Variants in CLHC1 observed in about 807,000 individuals in gnomAD.
CLHC1 encodes clathrin heavy chain linker domain containing 1.
CLHC1 carries 72 observed loss-of-function variants against 69.5 expected under a neutral mutation model. The observed-to-expected ratio is 1.04, with a 90% confidence interval of 0.86 to 1.26. The LOEUF is 1.26. Among genes scored for constraint, CLHC1 ranks in the 50% most tolerant of loss-of-function variants. The pLI, the probability that CLHC1 is intolerant of heterozygous loss-of-function variation, is 0.00. For synonymous variants in CLHC1, 223 were observed against 224.3 expected (o/e 0.99, Z 0.05); for missense variants, 790 against 679.3 (o/e 1.16, Z -1.81).
At position 55,175,968 on chromosome 2, in the gene CLHC1, A is replaced by G. The variant is rs1035037427; in HGVS notation, c.1583T>C (p.Met528Thr). ...KGGIDAVESL[M>T]INDSFCSIEK... ...TATGGAGCAAAAGGAATCATTTATCATAAGACTTTCTACTGCATCTGTGGG... is the reference window on the plus strand; with the variant it reads ...TATGGAGCAAAAGGAATCATTTATCGTAAGACTTTCTACTGCATCTGTGGG... Residue 528 changes from methionine (M) to threonine (T), a missense_variant, in exon 13 of 13, where the codon ATG becomes ACG. By Grantham distance (81) the Met-to-Thr change is moderately conservative. Coordinates refer to ENST00000401408, the MANE Select transcript of CLHC1 (RefSeq NM_152385.4). 2 of 1,613,766 alleles carry G rather than the reference A, an allele frequency of 1.2e-6. No individual in the cohort carries two copies. The highest frequency in any genetic ancestry group is 1.7e-6 in the Non-Finnish European group (2 of 1,179,706).
At chr2:55,218,753 A>G (rs926224344) in intron 3 of CLHC1, among the ~76,000 whole-genome samples, 2 of 152,238 alleles carry the variant, frequency 1.3e-5, no homozygotes, top group African/African-American at 4.8e-5. Context: ...AAATAAGTCA[A>G]AAAATAAAAA....
Position 55,222,401 on chromosome 2 carries a change from T to C in CLHC1, c.11A>G (p.His4Arg), listed in dbSNP as rs1674220584. The C allele has an allele frequency of 6.2e-7, 1 of 1,613,260 alleles. No individual in the cohort carries two copies. The highest frequency in any genetic ancestry group is 1.1e-5 in the South Asian group (1 of 90,996). Reference sequence around the variant, plus strand: ...GAGAACTGCATGTTTTCTTATTTGATGAACTGACATATTTGACAATCTGCA... The same window carrying C: ...GAGAACTGCATGTTTTCTTATTTGACGAACTGACATATTTGACAATCTGCA... The part of the protein sequence containing the change: MSV[H>R]QIRKHAVLPP... Residue 4 changes from histidine (H) to arginine (R), a missense_variant, in exon 3 of 13, where the codon CAT (histidine) becomes CGT (arginine). His to Arg is a conservative substitution (Grantham distance 29, BLOSUM62 0). Transcript: ENST00000401408.
upstream of CLHC1, chr2:55,232,540 G>A (rs1019728094): frequency 7.4e-6 from 4 of 538,092 alleles, no homozygotes; most frequent in Admixed American, 3.1e-5. Context: ...GCCCAGGCTA[G>A]GGAGAGGAGA....
intron 8 of CLHC1, 60 bp from the exon 9 acceptor site, chr2:55,206,436 A>G: frequency 1.1e-6 from 1 of 945,818 alleles, no homozygotes; most frequent in South Asian, 1.3e-5. Context: ...GAAAAAACTG[A>G]TTAGAAATGT....
chr2:55,221,143 T>C (rs750447111), intron 3 of CLHC1, among the ~76,000 whole-genome samples: 2 of 152,118 alleles, frequency 1.3e-5, no homozygotes, highest in Non-Finnish European at 2.9e-5. Flanking sequence ...AAAGACTGAG[T>C]TTCTATTTTG....
Position 55,222,329 on chromosome 2 carries a change from T to C in CLHC1, c.83A>G (p.Gln28Arg), listed in dbSNP as rs1430586222. The change falls in exon 3 of 13, where the codon CAA (glutamine) becomes CGA (arginine). Residue 28 changes from glutamine to arginine, a missense_variant. Coordinates refer to ENST00000401408, the MANE Select transcript of CLHC1 (RefSeq NM_152385.4). ...TTCAGTTTCTGTAATTATGTATCTTTGCACACTTTCCAAAAATTCCTTGTC... is the reference window on the plus strand; with the variant it reads ...TTCAGTTTCTGTAATTATGTATCTTCGCACACTTTCCAAAAATTCCTTGTC... ...RSDKEFLESV[Q>R]RYIITETERL... The C allele has an allele frequency of 1.2e-6, 2 of 1,613,662 alleles. No individual in the cohort carries two copies. Among genetic ancestry groups the C allele is most frequent in the African/African-American group, 1.3e-5 (1 of 74,930 alleles).
At chr2:55,205,110 G>T (rs754737535) in intron 9 of CLHC1, among the ~76,000 whole-genome samples, 2 of 151,938 alleles carry the variant, frequency 1.3e-5, no homozygotes, top group Non-Finnish European at 2.9e-5. Flanking sequence ...AAAGTCAAAA[G>T]GCAACAGATG....
At position 55,175,759 on chromosome 2, in the gene CLHC1, A is replaced by T; in HGVS notation, c.*31T>A. On this transcript the variant is annotated 3_prime_UTR_variant, in exon 13 of 13. Transcript: ENST00000401408. ...CCAACCAGCATACATAAGGTGTTGTACAAGCTCCCTCAGCTGGTTAAGATA... is the reference window on the plus strand; with the variant it reads ...CCAACCAGCATACATAAGGTGTTGTTCAAGCTCCCTCAGCTGGTTAAGATA... The T allele has an allele frequency of 6.4e-7, 1 of 1,562,420 alleles. No individual in the cohort carries two copies. Among genetic ancestry groups the T allele is most frequent in the Admixed American group, 1.7e-5 (1 of 58,656 alleles).
Position 55,212,777 on chromosome 2 carries a change from T to A in CLHC1, c.395A>T (p.Lys132Met), listed in dbSNP as rs776132761. 3 of 1,602,966 alleles carry A rather than the reference T, an allele frequency of 1.9e-6. No homozygotes were observed. The highest frequency in any genetic ancestry group is 2.2e-5 in the South Asian group (2 of 90,882). The change falls in exon 5 of 13, where the codon AAG (lysine) becomes ATG (methionine). Residue 132 changes from lysine (K) to methionine (M), a missense_variant. Physicochemically the swap from Lys to Met is moderately conservative, Grantham distance 95. Transcript: ENST00000401408. ...GATGTGATCTATTTGAGATTGAATC[T>A]TCGAGGAATTACTTTCGATAATCCT... Reference protein sequence around the residue: ...KMRIIESNSSKIQSQIDHIKQ... With the variant: ...KMRIIESNSSMIQSQIDHIKQ...
intron 3 of CLHC1, among the ~76,000 whole-genome samples, chr2:55,221,821 T>G (rs552741425): frequency 1.7e-4 from 26 of 152,024 alleles, no homozygotes; most frequent in African/African-American, 5.1e-4. Context: ...ACAAAAAATT[T>G]TAAAAATTAG....
chr2:55,205,962 C>T (rs895862681), intron 9 of CLHC1, among the ~76,000 whole-genome samples: 5 of 151,532 alleles, frequency 3.3e-5, no homozygotes, highest in Non-Finnish European at 7.4e-5. Flanking sequence ...GTCAATTTAC[C>T]ACAAGGAAGC....
rs1353240768 is a variant in CLHC1 at position 55,173,418 on chromosome 2, T to C, written c.*2372A>G. ...TGTTGTTGATGCTGATGTTGAATTG[T>C]AGTATTTGAAATTTAGGCTGAAGGT... On this transcript the variant is annotated 3_prime_UTR_variant, in exon 13 of 13. Coordinates refer to ENST00000401408, the MANE Select transcript of CLHC1 (RefSeq NM_152385.4). Among the ~76,000 whole-genome samples the C allele has an allele frequency of 6.6e-6, 1 of 152,262 alleles. No homozygotes were observed. The highest frequency in any genetic ancestry group is 1.5e-5 in the Non-Finnish European group (1 of 68,044).
intron 9 of CLHC1, among the ~76,000 whole-genome samples, chr2:55,196,607 G>C (rs1348650442): frequency 6.6e-6 from 1 of 152,300 alleles, no homozygotes; most frequent in Non-Finnish European, 1.5e-5. Context: ...GGAAGCCACT[G>C]TCTTGAAAGG....
In CLHC1 at chr2:55,209,875, G is replaced by C. The variant is rs1343615897; in HGVS notation, c.500-44C>G. 8 of 1,290,756 alleles carry C rather than the reference G, an allele frequency of 6.2e-6. No individual in the cohort carries two copies. The South Asian group carries it at 8.6e-5, about 14-fold the overall frequency. The allele number at this position is 1,290,756 out of a possible 1,614,324, so 80.0% of individuals were successfully genotyped here. ...AATCAAACACGACAAGCCATGTGTG[G>C]GACGCTTGTGCTCAAAGAGCAAGTC... On this transcript the variant is annotated intron_variant, in intron 5 of 12. Coordinates refer to ENST00000401408, the MANE Select transcript of CLHC1 (RefSeq NM_152385.4).
At chr2:55,195,701 C>T (rs1198477962) in intron 9 of CLHC1, among the ~76,000 whole-genome samples, 1 of 152,164 alleles carries the variant, frequency 6.6e-6, no homozygotes, top group African/African-American at 2.4e-5. Flanking sequence ...ATTGGGGAGG[C>T]TGAGGCAGGA....
intron 9 of CLHC1, among the ~76,000 whole-genome samples, chr2:55,182,581 A>G (rs1670032368): frequency 6.6e-6 from 1 of 152,196 alleles, no homozygotes; most frequent in Admixed American, 6.5e-5. Context: ...TCTCCTCCTC[A>G]AAGTCAAGTG....
At position 55,208,720 on chromosome 2, in the gene CLHC1, T is replaced by C. The variant is rs376954746; in HGVS notation, c.815-10A>G. 5.8e-6 allele frequency: 9 copies of C among 1,561,134 alleles called. No individual in the cohort carries two copies. The highest frequency in any genetic ancestry group is 6.2e-6 in the Non-Finnish European group (7 of 1,132,298). ...ACAATGCCTTGGTCACCTGTAAATA[T>C]TGAAAGTACTACTGGAAGATATTTA... On this transcript the variant is annotated splice_polypyrimidine_tract_variant and intron_variant, in intron 7 of 12. Transcript: ENST00000401408.
intron 4 of CLHC1, 94 bp from the exon 5 acceptor site, chr2:55,212,900 T>A (rs943990838): frequency 2.6e-5 from 26 of 994,084 alleles, no homozygotes; most frequent in Non-Finnish European, 3.7e-5. Flanking sequence ...TTACTTTATT[T>A]TGAACCATTA....
rs370581777 is a variant in CLHC1, at chr2:55,194,073, T to C, written c.1006+12197A>G. ...AAAAGGACCAAAGCAGGTAAATCTATACTGACAGCAAATAGATGAGTGGTT... is the reference window on the plus strand; with the variant it reads ...AAAAGGACCAAAGCAGGTAAATCTACACTGACAGCAAATAGATGAGTGGTT... On this transcript the variant is annotated intron_variant, in intron 9 of 12. Transcript: ENST00000401408. Among the ~76,000 whole-genome samples, 22 of 152,116 alleles carry C rather than the reference T, an allele frequency of 1.4e-4. No individual in the cohort carries two copies. In the South Asian group the frequency reaches 3.5e-3, roughly 24 times the overall value.
Sources: allele counts gnomAD v4.1 joint callset (sites outside exome capture counted in the v4.1 genomes callset), GRCh38; gene constraint gnomAD v4.1.1; transcripts MANE v1.5; gene names NCBI Gene and HGNC (gene_info 2026-07-23, HGNC 2026-07-21).